Variants in SIL1 observed in about 807,000 individuals in gnomAD.
The protein encoded by SIL1 is nucleotide exchange factor SIL1.
Under a neutral mutation model 49.1 loss-of-function variants are expected in SIL1, and 40 were observed. The ratio of observed to expected loss-of-function variants is 0.81; its 90% confidence interval spans 0.63 to 1.06. SIL1 has a LOEUF of 1.06. Among genes scored for constraint, SIL1 ranks in the 50% least tolerant of loss-of-function variants. SIL1 has a pLI of 0.00. For synonymous variants in SIL1, 253 were observed against 250.8 expected, an observed-to-expected ratio of 1.01 and a Z score of -0.08; for missense variants, 500 against 572.6, an observed-to-expected ratio of 0.87 and a Z score of 1.29.
intron 1 of SIL1, among the ~76,000 whole-genome samples, chr5:139,167,660 T>C (rs1262153298): frequency 5.3e-5 from 8 of 152,198 alleles, no homozygotes; most frequent in Non-Finnish European, 7.3e-5. Flanking sequence ...ACATTTATTA[T>C]TGAAGAAAAA....
chr5:139,033,138 C>A (rs886281369), intron 5 of SIL1, among the ~76,000 whole-genome samples: 2 of 152,020 alleles, frequency 1.3e-5, no homozygotes, highest in Non-Finnish European at 2.9e-5. Flanking sequence ...GGACTACAAG[C>A]GTGCGCCACC....
At chr5:138,963,624 T>C (rs1182761655) in intron 7 of SIL1, among the ~76,000 whole-genome samples, 1 of 152,192 alleles carries the variant, frequency 6.6e-6, no homozygotes, top group African/African-American at 2.4e-5. Context: ...ATATCCTTTG[T>C]TTGCTGAGGT....
At chr5:139,004,039 A>G (rs765922360) in intron 7 of SIL1, among the ~76,000 whole-genome samples, 5 of 152,224 alleles carry the variant, frequency 3.3e-5, no homozygotes, top group Non-Finnish European at 7.3e-5. Context: ...GATGAAAATT[A>G]TATCAAACAG....
intron 1 of SIL1, among the ~76,000 whole-genome samples, chr5:139,139,422 T>C (rs1751038743): frequency 6.6e-6 from 1 of 152,190 alleles, no homozygotes; most frequent in Non-Finnish European, 1.5e-5. Flanking sequence ...AGGTATGATT[T>C]CCAGTCCATA....
intron 3 of SIL1, among the ~76,000 whole-genome samples, chr5:139,104,518 C>A (rs1770659179): frequency 6.6e-6 from 1 of 152,132 alleles, no homozygotes; most frequent in African/African-American, 2.4e-5. Context: ...TTTTCTAGAA[C>A]CTAATGCCCC....
chr5:139,116,389 G>A (rs923694298), intron 3 of SIL1, among the ~76,000 whole-genome samples: 6 of 151,974 alleles, frequency 3.9e-5, no homozygotes, highest in Non-Finnish European at 5.9e-5. Flanking sequence ...GGCTCTTTGT[G>A]CTAATGCCAA....
chr5:139,035,343 CTG>C (rs750849424), intron 5 of SIL1: 131 of 530,944 alleles, frequency 2.5e-4, no homozygotes, highest in Non-Finnish European at 4.1e-4. Flanking sequence ...GATATTTCCA[CTG>C]TGTTTGATGT....
intron 5 of SIL1, among the ~76,000 whole-genome samples, chr5:139,033,279 G>A (rs1176126252): frequency 6.6e-6 from 1 of 152,022 alleles, no homozygotes; most frequent in African/African-American, 2.4e-5. Flanking sequence ...ATAGGCGTGA[G>A]CCACCGTGCC....
rs35272334 is a variant in SIL1 at position 138,981,213 on chromosome 5, CAAAA to C, written c.768-29333_768-29330del. 2.3e-3 allele frequency among the ~76,000 whole-genome samples: 264 copies of C among 113,508 alleles called. 1 individual carries two copies. Among genetic ancestry groups the C allele is most frequent in the African/African-American group, 5.7e-3 (171 of 29,758 alleles). 74.5% of individuals were successfully genotyped at this position (113,508 alleles called of 152,430 possible). On this transcript the variant is annotated intron_variant, in intron 7 of 9. Coordinates refer to ENST00000394817, the MANE Select transcript of SIL1 (RefSeq NM_022464.5). ...GGGCAACAGAGTGAGACTCTGTCTC[CAAAA>C]AAAAAAAAAAAAAAAAGTTTACCCT...
At position 139,169,890 on chromosome 5, in the gene SIL1, C is replaced by CCACGGTCTCCCTCTCCCTCTT. The variant is rs1561888591; in HGVS notation, c.-11+28378_-11+28379insAAGAGGGAGAGGGAGACCGTG. 2.8e-3 allele frequency among the ~76,000 whole-genome samples: 236 copies of CCACGGTCTCCCTCTCCCTCTT among 84,242 alleles called. 1 individual carries two copies. Among genetic ancestry groups the CCACGGTCTCCCTCTCCCTCTT allele is most frequent in the Middle Eastern group, 0.016 (2 of 122 alleles). The allele number at this position is 84,242 out of a possible 152,430, so 55.3% of individuals were successfully genotyped here. A position where few individuals can be genotyped will look rare whatever the true frequency, so the allele number is the denominator to read the frequency against. ...CTTTCCACGGTCTCCCTCTCCCTCTCTCTCCACAGTCTCCCTCTGATGCCG... is the reference window on the plus strand; with the variant it reads ...CTTTCCACGGTCTCCCTCTCCCTCTCCACGGTCTCCCTCTCCCTCTTTCTCCACAGTCTCCCTCTGATGCCG... On this transcript the variant is annotated intron_variant, in intron 1 of 9. Coordinates refer to ENST00000394817, the MANE Select transcript of SIL1 (RefSeq NM_022464.5).
At chr5:139,151,354 G>A (rs1291503475) in intron 1 of SIL1, among the ~76,000 whole-genome samples, 1 of 152,132 alleles carries the variant, frequency 6.6e-6, no homozygotes, top group Non-Finnish European at 1.5e-5. Flanking sequence ...GGAACACACA[G>A]GCATGCATCA....
intron 2 of SIL1, among the ~76,000 whole-genome samples, chr5:139,124,920 C>G (rs1006539154): frequency 6.6e-6 from 1 of 152,216 alleles, no homozygotes; most frequent in Non-Finnish European, 1.5e-5. Context: ...CTGCCTGGCT[C>G]CAAAGCCCAT....
At chr5:139,153,394 C>G (rs1288226780) in intron 1 of SIL1, among the ~76,000 whole-genome samples, 1 of 152,164 alleles carries the variant, frequency 6.6e-6, no homozygotes, top group Non-Finnish European at 1.5e-5. Flanking sequence ...GTCCTTCTCC[C>G]CTTCCAGACC....
intron 1 of SIL1, among the ~76,000 whole-genome samples, chr5:139,171,732 A>AAAAAAT (rs1751776083): frequency 6.8e-6 from 1 of 147,926 alleles, no homozygotes; most frequent in Admixed American, 6.6e-5. Context: ...TAAAAAAGAA[A>AAAAAAT]AAAAAAGAAA....
At chr5:139,003,364 G>A (rs1003648714) in intron 7 of SIL1, among the ~76,000 whole-genome samples, 1 of 152,156 alleles carries the variant, frequency 6.6e-6, no homozygotes, top group African/African-American at 2.4e-5. Flanking sequence ...AGCTCTGGGT[G>A]CTTGGCTGCA....
intron 5 of SIL1, among the ~76,000 whole-genome samples, chr5:139,033,549 C>A (rs1218377230): frequency 2.0e-5 from 3 of 151,746 alleles, no homozygotes; most frequent in African/African-American, 7.3e-5. Flanking sequence ...TGATAAAGTG[C>A]ATTTTCATTT....
At chr5:139,030,453 G>A (rs1581043290) in intron 5 of SIL1, among the ~76,000 whole-genome samples, 1 of 151,690 alleles carries the variant, frequency 6.6e-6, no homozygotes, top group Non-Finnish European at 1.5e-5. Flanking sequence ...CTCCCGTGTG[G>A]GCGACAGAGC....
At chr5:139,090,798 ATCTC>A (rs1292656466) in intron 3 of SIL1, among the ~76,000 whole-genome samples, 1 of 151,852 alleles carries the variant, frequency 6.6e-6, no homozygotes, top group South Asian at 2.1e-4. Flanking sequence ...TAGAGACAGG[ATCTC>A]TCTCTGTTGC....
At chr5:139,027,744 GCCTATAAA>G (rs1768693343) in intron 5 of SIL1, among the ~76,000 whole-genome samples, 1 of 152,170 alleles carries the variant, frequency 6.6e-6, no homozygotes, top group Non-Finnish European at 1.5e-5. Flanking sequence ...AGAAGATAGT[GCCTATAAA>G]GAGAGTCTGA....
Sources: allele counts gnomAD v4.1 joint callset (sites outside exome capture counted in the v4.1 genomes callset), GRCh38; gene constraint gnomAD v4.1.1; transcripts MANE v1.5; gene names NCBI Gene and HGNC (gene_info 2026-07-23, HGNC 2026-07-21).